PCED1B: variants seen among roughly 807,000 people sequenced by gnomAD.
PCED1B encodes the protein PC-esterase domain containing 1B, also known as PC-esterase domain-containing protein 1B.
For synonymous variants in PCED1B, 251 were observed against 246.1 expected (o/e 1.02, Z -0.19); for missense variants, 573 against 573.9 (o/e 1.00, Z 0.02).
chr12:47,110,246 C>T (rs1455303368), intron 2 of PCED1B, among the ~76,000 whole-genome samples: 1 of 152,158 alleles, frequency 6.6e-6, no homozygotes, highest in African/African-American at 2.4e-5. Context: ...ATCCAGAGGA[C>T]AGCCAGCAAC....
chr12:47,116,101 A>G (rs530184968), intron 2 of PCED1B, among the ~76,000 whole-genome samples: 5 of 152,362 alleles, frequency 3.3e-5, no homozygotes, highest in African/African-American at 9.6e-5. Flanking sequence ...GTTTCAAAAT[A>G]TGATGGTTAC....
chr12:47,095,413 G>A (rs536684912), intron 1 of PCED1B, among the ~76,000 whole-genome samples: 2 of 151,866 alleles, frequency 1.3e-5, no homozygotes, highest in South Asian at 4.2e-4. Context: ...ACTATGATGT[G>A]GTTAGCTACA....
intron 2 of PCED1B, among the ~76,000 whole-genome samples, chr12:47,105,717 T>C (rs1938918379): frequency 6.6e-6 from 1 of 152,170 alleles, no homozygotes; most frequent in South Asian, 2.1e-4. Context: ...GAGAAAATAT[T>C]TTGTCCCTTT....
At chr12:47,194,989 G>C (rs1472123287) in intron 2 of PCED1B, among the ~76,000 whole-genome samples, 4 of 152,082 alleles carry the variant, frequency 2.6e-5, no homozygotes, top group East Asian at 3.8e-4. Context: ...TGTATGAGAG[G>C]GGGGAAGAAA....
At chr12:47,227,844 C>T (rs1301576465) in intron 3 of PCED1B, among the ~76,000 whole-genome samples, 1 of 151,640 alleles carries the variant, frequency 6.6e-6, no homozygotes, top group Non-Finnish European at 1.5e-5. Flanking sequence ...CAGAGCAAGA[C>T]TCTGACTCAA....
chr12:47,137,135 A>C (rs1940406715), intron 2 of PCED1B, among the ~76,000 whole-genome samples: 1 of 152,240 alleles, frequency 6.6e-6, no homozygotes. Flanking sequence ...TCTTATTGCC[A>C]TTCTCCAGGT....
At chr12:47,199,325 T>C (rs1374602592) in intron 2 of PCED1B, among the ~76,000 whole-genome samples, 1 of 152,206 alleles carries the variant, frequency 6.6e-6, no homozygotes, top group Non-Finnish European at 1.5e-5. Flanking sequence ...TCCTGATAAC[T>C]TGATCTATAG....
At chr12:47,181,801 T>C (rs1422534147) in intron 2 of PCED1B, among the ~76,000 whole-genome samples, 1 of 152,122 alleles carries the variant, frequency 6.6e-6, no homozygotes, top group East Asian at 1.9e-4. Context: ...CAACTTTTTG[T>C]CAGTACTAAA....
chr12:47,127,166 T>C (rs1259830816), intron 2 of PCED1B, among the ~76,000 whole-genome samples: 6 of 152,178 alleles, frequency 3.9e-5, no homozygotes, highest in African/African-American at 1.4e-4. Flanking sequence ...CTTTATGAAC[T>C]GCATCAGCTG....
chr12:47,120,254 C>A lies in PCED1B; in HGVS notation c.-526+16059C>A, dbSNP rs141891244. 5.5e-4 allele frequency among the ~76,000 whole-genome samples: 83 copies of A among 152,156 alleles called. 1 individual carries two copies. In the East Asian group the frequency reaches 0.013, roughly 24 times the overall value. On this transcript the variant is annotated intron_variant, in intron 2 of 3. Transcript: ENST00000546455. ...CTAGTGGAAATGTAAAATGATGCAG[C>A]CACTTTGGAAAATAGTCTGTTTTTC... is the stretch of plus-strand genomic sequence containing the variant.
At chr12:47,111,372 T>C (rs1371841696) in intron 2 of PCED1B, among the ~76,000 whole-genome samples, 1 of 152,218 alleles carries the variant, frequency 6.6e-6, no homozygotes, top group African/African-American at 2.4e-5. Flanking sequence ...AAGAAATAAG[T>C]ACTTATTAGA....
Position 47,235,945 on chromosome 12 carries a change from A to AC in PCED1B, c.884dup (p.Ser296PhefsTer103), listed in dbSNP as rs780569994. ...CGGCCTTACCTCTGTCCCCACCCTT[A>AC]CCTTCCCCCACATACCGCCCCCTGC... On this transcript the variant is annotated frameshift_variant, in exon 4 of 4. Transcript: ENST00000546455. LOFTEE classifies it low-confidence loss of function (END_TRUNC). 1 of 1,608,810 alleles carries AC rather than the reference A, an allele frequency of 6.2e-7. No homozygotes were observed.
intron 2 of PCED1B, among the ~76,000 whole-genome samples, chr12:47,138,697 T>A (rs1940479414): frequency 6.6e-6 from 1 of 152,202 alleles, no homozygotes; most frequent in Non-Finnish European, 1.5e-5. Flanking sequence ...GCAATTATTA[T>A]CAATGTGAAT....
chr12:47,119,205 A>T (rs1565758603), intron 2 of PCED1B, among the ~76,000 whole-genome samples: 1 of 152,162 alleles, frequency 6.6e-6, no homozygotes, highest in African/African-American at 2.4e-5. Context: ...AAAATAAATA[A>T]ATATATTTAC....
chr12:47,195,070 G>A lies in PCED1B; in HGVS notation c.-525-21152G>A, dbSNP rs139047102. On this transcript the variant is annotated intron_variant, in intron 2 of 3. Coordinates refer to ENST00000546455, the MANE Select transcript of PCED1B (RefSeq NM_138371.3). Reference sequence around the variant, plus strand: ...AAGTAGGCCGGGCGCGGTGGCTCACGCCTATAATCCCAGCATTTGGGAGGC... The same window carrying A: ...AAGTAGGCCGGGCGCGGTGGCTCACACCTATAATCCCAGCATTTGGGAGGC... Among the ~76,000 whole-genome samples the A allele has an allele frequency of 5.8e-3, 889 of 152,252 alleles. 9 individuals are homozygous for A. The highest frequency in any genetic ancestry group is 0.02 in the African/African-American group (847 of 41,548).
chr12:47,123,021 A>G (rs1001416198), intron 2 of PCED1B, among the ~76,000 whole-genome samples: 1 of 152,232 alleles, frequency 6.6e-6, no homozygotes, highest in Non-Finnish European at 1.5e-5. Flanking sequence ...AGCAGAATGC[A>G]GAAAATAAGC....
intron 2 of PCED1B, among the ~76,000 whole-genome samples, chr12:47,179,299 GAC>G (rs1176700358): frequency 6.6e-6 from 1 of 152,150 alleles, no homozygotes; most frequent in Non-Finnish European, 1.5e-5. Flanking sequence ...TCTCAAAGAT[GAC>G]ACAAGGGAAC....
At chr12:47,110,437 G>A (rs1168137641) in intron 2 of PCED1B, among the ~76,000 whole-genome samples, 1 of 152,126 alleles carries the variant, frequency 6.6e-6, no homozygotes, top group African/African-American at 2.4e-5. Context: ...TTTCACCCAG[G>A]AAGTGTTTGG....
At chr12:47,205,753 GAGGAAGGAAGGA>G (rs201229040) in intron 2 of PCED1B, 3 of 151,552 alleles carry the variant, frequency 2.0e-5, no homozygotes, top group African/African-American at 7.3e-5. Context: ...GGGAGAGAGA[GAGGAAGGAAGGA>G]AGGAAGGAAA....
Sources: gnomAD v4.1 joint callset for allele counts (sites outside exome capture counted in the v4.1 genomes callset) on GRCh38, gnomAD v4.1.1 for gene constraint, MANE v1.5 for transcripts, NCBI Gene and HGNC (gene_info 2026-07-23, HGNC 2026-07-21) for gene names.